ZBBX: variants seen among roughly 807,000 people sequenced by gnomAD.
The protein encoded by ZBBX is zinc finger B-box domain-containing protein 1.
In ZBBX, 101 loss-of-function variants were observed where a neutral mutation model predicts 108.5. That is an observed-to-expected ratio of 0.93 (90% confidence interval 0.79 to 1.10). The LOEUF (loss-of-function observed/expected upper bound fraction) is 1.10. ZBBX is among the 50% of genes least tolerant of loss of function. The pLI is 0.00. For synonymous variants in ZBBX, 356 were observed against 323.4 expected (o/e 1.10, Z -1.08); for missense variants, 1,009 against 941.4 (o/e 1.07, Z -0.94).
intron 18 of ZBBX, among the ~76,000 whole-genome samples, chr3:167,290,557 G>T (rs555413525): frequency 6.6e-6 from 1 of 152,088 alleles, no homozygotes; most frequent in Admixed American, 6.6e-5. Context: ...GAAGGTCATC[G>T]ACTTCAAAGA....
At chr3:167,248,745 C>T (rs904258551) in intron 20 of ZBBX, 1 of 433,762 alleles carries the variant, frequency 2.3e-6, no homozygotes, top group African/African-American at 2.0e-5. Context: ...CCCCCCACCT[C>T]ACGGAAGGAG....
intron 4 of ZBBX, among the ~76,000 whole-genome samples, chr3:167,369,556 T>C (rs1250243299): frequency 6.6e-6 from 1 of 152,178 alleles, no homozygotes; most frequent in African/African-American, 2.4e-5. Flanking sequence ...TTATTTGCAT[T>C]GTATCTACTC....
the ZBBX span, among the ~76,000 whole-genome samples, chr3:167,206,222 A>G: frequency 0.013 from 2,036 of 152,202 alleles, 22 homozygotes; most frequent in South Asian, 0.026. Flanking sequence ...TACATAAGTT[A>G]GATCATATAG....
chr3:167,278,699 G>A (rs2108509245), intron 20 of ZBBX, among the ~76,000 whole-genome samples: 1 of 151,558 alleles, frequency 6.6e-6, no homozygotes, highest in South Asian at 2.1e-4. Flanking sequence ...CATTCCTTCT[G>A]AAACTACTCC....
intron 20 of ZBBX, among the ~76,000 whole-genome samples, chr3:167,259,195 C>T (rs1227229252): frequency 6.6e-6 from 1 of 152,044 alleles, no homozygotes. Context: ...CTGATTTAAG[C>T]TAAGAGGGTT....
chr3:167,254,898 G>C (rs1723214947), intron 20 of ZBBX, among the ~76,000 whole-genome samples: 1 of 151,994 alleles, frequency 6.6e-6, no homozygotes, highest in South Asian at 2.1e-4. Context: ...GAGAGAGAGA[G>C]AGAATGAGAG....
In ZBBX at chr3:167,333,995, AAGT is replaced by A; in HGVS notation, c.529-13_529-11del. 1 of 1,501,118 alleles carries A rather than the reference AAGT, an allele frequency of 6.7e-7. No individual in the cohort carries two copies. The highest frequency in any genetic ancestry group is 8.9e-7 in the Non-Finnish European group (1 of 1,121,630). The allele number at this position is 1,501,118 out of a possible 1,614,324, so 93.0% of individuals were successfully genotyped here. ...ATATTTGAGATTTTGCCTATTAAAA[AAGT>A]AACAATATAATTAAAGCGCCTCATA... On this transcript the variant is annotated splice_polypyrimidine_tract_variant and intron_variant, in intron 9 of 21. Transcript: ENST00000675490.
rs1320034192 is a variant in ZBBX at position 167,333,942 on chromosome 3, T to C, written c.572A>G (p.Gln191Arg). ...ILFNVLDVAH[Q>R]FIKDVNPDEP... is the part of the protein sequence containing the mutation. Reference sequence around the variant, plus strand: ...ATCTGGATTAACATCCTTTATAAACTGATGGGCAACATCCAATACATTGAA... The same window carrying C: ...ATCTGGATTAACATCCTTTATAAACCGATGGGCAACATCCAATACATTGAA... Residue 191 changes from glutamine to arginine, a missense_variant, in exon 10 of 22, where the codon CAG becomes CGG. Physicochemically the swap from Gln to Arg is conservative, Grantham distance 43. Coordinates refer to ENST00000675490, the MANE Select transcript of ZBBX (RefSeq NM_001199201.2). 1.9e-6 allele frequency: 3 copies of C among 1,605,946 alleles called. No homozygotes were observed. The highest frequency in any genetic ancestry group is 1.7e-6 in the Non-Finnish European group (2 of 1,176,144).
chr3:167,325,339 A>G (rs1272550769), intron 11 of ZBBX, among the ~76,000 whole-genome samples: 1 of 152,062 alleles, frequency 6.6e-6, no homozygotes, highest in African/African-American at 2.4e-5. Context: ...GAGCAAAGAG[A>G]CTTCTTACAT....
chr3:167,360,035 A>G, intron 7 of ZBBX, 56 bp from the exon 8 acceptor site: 1 of 1,025,570 alleles, frequency 9.8e-7, no homozygotes, highest in Admixed American at 2.5e-5. Flanking sequence ...TAAATTTTCC[A>G]ATTGATAAAT....
chr3:167,294,779 T>A (rs1687271006), intron 18 of ZBBX, among the ~76,000 whole-genome samples: 1 of 151,880 alleles, frequency 6.6e-6, no homozygotes, highest in African/African-American at 2.4e-5. Flanking sequence ...TGGAAGAAAA[T>A]TTTGGCAATC....
In ZBBX at chr3:167,291,083, G is replaced by A. The variant is rs758024825; in HGVS notation, c.1880-2100C>T. Among the ~76,000 whole-genome samples, 30 of 152,034 alleles carry A rather than the reference G, an allele frequency of 2.0e-4. 1 individual carries two copies. The highest frequency in any genetic ancestry group is 3.7e-4 in the Non-Finnish European group (25 of 68,018). ...GAAAAGACCAAATCTACGTTTTATT[G>A]GTGTACCTCAAAGTGACGGGGAGAA... On this transcript the variant is annotated intron_variant, in intron 18 of 21. Transcript: ENST00000675490.
the ZBBX span, among the ~76,000 whole-genome samples, chr3:167,184,087 G>T: frequency 6.6e-6 from 1 of 152,108 alleles, no homozygotes; most frequent in Non-Finnish European, 1.5e-5. Flanking sequence ...ATAAACACGT[G>T]AAGAAATTCA....
intron 9 of ZBBX, among the ~76,000 whole-genome samples, chr3:167,335,702 A>C (rs1219743930): frequency 6.6e-6 from 1 of 151,686 alleles, no homozygotes; most frequent in East Asian, 1.9e-4. Context: ...AAATCTATTA[A>C]GATTCATTGC....
chr3:167,195,808 A>G, the ZBBX span, among the ~76,000 whole-genome samples: 1 of 152,214 alleles, frequency 6.6e-6, no homozygotes, highest in Admixed American at 6.5e-5. Context: ...GTTTCCTAGC[A>G]TAAACTAATC....
At chr3:167,360,176 A>AT (rs1744279870) in intron 7 of ZBBX, among the ~76,000 whole-genome samples, 197 bp from the exon 8 acceptor site, 1 of 148,238 alleles carries the variant, frequency 6.7e-6, no homozygotes, top group Non-Finnish European at 1.5e-5. Flanking sequence ...ATATTTCTGA[A>AT]TTTTTTCTAC....
chr3:167,286,852 A>G, intron 19 of ZBBX, among the ~76,000 whole-genome samples: 1 of 152,114 alleles, frequency 6.6e-6, no homozygotes, highest in East Asian at 1.9e-4. Context: ...TACATTCATG[A>G]CTTCTTAATT....
rs1287953180 is a variant in ZBBX, at chr3:167,260,032, G to A, written c.2255-17389C>T. On this transcript the variant is annotated intron_variant, in intron 20 of 21. Transcript: ENST00000675490. ...GTTCTTATAGTGGTGGCTTGGTAAT[G>A]GTGAATTCTCTCAGCATTTGTTTGT... Among the ~76,000 whole-genome samples, 12 of 152,174 alleles carry A rather than the reference G, an allele frequency of 7.9e-5. No homozygotes were observed. The East Asian group carries it at 2.1e-3, about 27-fold the overall frequency.
At chr3:167,252,188 T>A in intron 20 of ZBBX, 1 of 1,289,640 alleles carries the variant, frequency 7.8e-7, no homozygotes, top group Non-Finnish European at 1.0e-6. Context: ...TTCATAGAAC[T>A]TAGAAAGAAG....
Sources: allele counts gnomAD v4.1 joint callset (sites outside exome capture counted in the v4.1 genomes callset), GRCh38; gene constraint gnomAD v4.1.1; transcripts MANE v1.5; gene names NCBI Gene and HGNC (gene_info 2026-07-23, HGNC 2026-07-21).